The following LEPROT variants were observed in gnomAD, a reference collection of about 807,000 sequenced individuals.
The protein encoded by LEPROT is leptin receptor overlapping transcript, also known as leptin receptor gene-related protein.
LEPROT carries 3 observed loss-of-function variants against 15.4 expected under a neutral mutation model. That is an observed-to-expected ratio of 0.19 (90% CI 0.09 to 0.50). The LOEUF is 0.50. LEPROT is among the 20% of genes least tolerant of loss of function. The pLI, the probability that LEPROT is intolerant of heterozygous loss-of-function variation, is 0.97. For missense variants in LEPROT, 137 were observed against 162.2 expected, an observed-to-expected ratio of 0.84 and a Z score of 0.84; for synonymous variants, 59 against 57.5, an observed-to-expected ratio of 1.03 and a Z score of -0.12.
chr1:65,421,199 G>C, intron 1 of LEPROT: 1 of 927,182 alleles, frequency 1.1e-6, no homozygotes. Context: ...TTTCCAACTG[G>C]GCAGAGTTGA....
intron 1 of LEPROT, 35 bp downstream of exon 1, chr1:65,420,775 T>TG: frequency 6.4e-7 from 1 of 1,569,990 alleles, no homozygotes; most frequent in Non-Finnish European, 8.6e-7. Context: ...TGTCGTGTGG[T>TG]GGGGTTGCCA....
intron 1 of LEPROT, among the ~76,000 whole-genome samples, chr1:65,421,763 C>A (rs1350042045): frequency 6.6e-6 from 1 of 151,838 alleles, no homozygotes; most frequent in African/African-American, 2.4e-5. Context: ...AAGCCAATGC[C>A]GAAAACAGAT....
Position 65,433,831 on chromosome 1 carries a change from A to G in LEPROT, c.*1912A>G, listed in dbSNP as rs1646521395. ...AGTTTAACTTTAAAATTTTTTTGTG[A>G]TGTTGCCTTGCCTGAAAAGATAACA... On this transcript the variant is annotated 3_prime_UTR_variant, in exon 4 of 4. Transcript: ENST00000371065. 1.0e-6 allele frequency: 1 copy of G among 984,642 alleles called. No individual in the cohort carries two copies. Among genetic ancestry groups the G allele is most frequent in the Non-Finnish European group, 1.2e-6 (1 of 829,282 alleles). 61.0% of individuals were successfully genotyped at this position (984,642 alleles called of 1,614,324 possible). A position where few individuals can be genotyped will look rare whatever the true frequency, so the allele number is the denominator to read the frequency against.
At chr1:65,421,218 G>A in intron 1 of LEPROT, 2 of 1,152,542 alleles carry the variant, frequency 1.7e-6, no homozygotes, top group Non-Finnish European at 2.4e-6. Context: ...GACCGCGGGC[G>A]GGTGTCAATG....
At chr1:65,424,234 C>T (rs1312032632) in intron 1 of LEPROT, among the ~76,000 whole-genome samples, 1 of 152,192 alleles carries the variant, frequency 6.6e-6, no homozygotes, top group East Asian at 1.9e-4. Flanking sequence ...TTATTCAGTG[C>T]ACACTAGTTG....
chr1:65,435,328 A>G lies in LEPROT; in HGVS notation c.*3409A>G, dbSNP rs1646543718. The G allele has an allele frequency of 5.1e-6, 5 of 984,188 alleles. No homozygotes were observed. The highest frequency in any genetic ancestry group is 9.4e-5 in the South Asian group (2 of 21,246). 61.0% of individuals were successfully genotyped at this position (984,188 alleles called of 1,614,324 possible). Reference sequence around the variant, plus strand: ...ATAACCTTCTTTATGTTCTCAGGGAAATGCTTAGGTGGTGTCACAAAATGT... The same window carrying G: ...ATAACCTTCTTTATGTTCTCAGGGAGATGCTTAGGTGGTGTCACAAAATGT... On this transcript the variant is annotated 3_prime_UTR_variant, in exon 4 of 4. Coordinates refer to ENST00000371065, the MANE Select transcript of LEPROT (RefSeq NM_017526.5).
In LEPROT at chr1:65,435,607, T is replaced by C. The variant is rs1570443937; in HGVS notation, c.*3688T>C. ...TGGTCTCGATCTCCTGACCTCATGA[T>C]CCGCCCGCCTCTGCCTCCCAAAGTG... is the stretch of plus-strand genomic sequence containing the variant. On this transcript the variant is annotated 3_prime_UTR_variant, in exon 4 of 4. Transcript: ENST00000371065. 1.4e-6 allele frequency: 1 copy of C among 739,894 alleles called. No homozygotes were observed. Among genetic ancestry groups the C allele is most frequent in the Non-Finnish European group, 1.7e-6 (1 of 605,932 alleles). The allele number at this position is 739,894 out of a possible 1,614,324, so 45.8% of individuals were successfully genotyped here.
Position 65,433,967 on chromosome 1 carries a change from G to A in LEPROT, c.*2048G>A. 2.0e-6 allele frequency: 2 copies of A among 985,294 alleles called. No individual in the cohort carries two copies. Among genetic ancestry groups the A allele is most frequent in the Non-Finnish European group, 2.4e-6 (2 of 829,832 alleles). 61.0% of individuals were successfully genotyped at this position (985,294 alleles called of 1,614,324 possible). ...ATACCATCTTGAATGTCTAGTTGGTGTGCAATAGCTTTTCTTTCTAAGATG... is the reference window on the plus strand; with the variant it reads ...ATACCATCTTGAATGTCTAGTTGGTATGCAATAGCTTTTCTTTCTAAGATG... On this transcript the variant is annotated 3_prime_UTR_variant, in exon 4 of 4. Coordinates refer to ENST00000371065, the MANE Select transcript of LEPROT (RefSeq NM_017526.5).
chr1:65,431,808 AT>A lies in LEPROT; in HGVS notation c.286del (p.Trp96GlyfsTer41). ...VILARVAVIK[W>X]GACGLVLAGN... The stretch of plus-strand genomic sequence containing the variant: ...CTTCTTTTCTTGTCTTTCAGATCAA[AT>A]GGGGAGCCTGCGGCCTTGTGTTGGC... On this transcript the variant is annotated frameshift_variant, in exon 4 of 4. Transcript: ENST00000371065. LOFTEE classifies it high-confidence loss of function. The A allele has an allele frequency of 6.2e-7, 1 of 1,612,896 alleles. No individual in the cohort carries two copies.
Position 65,434,041 on chromosome 1 carries a change from T to C in LEPROT, c.*2122T>C. On this transcript the variant is annotated 3_prime_UTR_variant, in exon 4 of 4. Transcript: ENST00000371065. ...CATTTTGCAAAAGTGTTTTTGTTGC[T>C]TATACACATTTTCAATAACCAAGGT... 1 of 985,344 alleles carries C rather than the reference T, an allele frequency of 1.0e-6. No individual in the cohort carries two copies. The highest frequency in any genetic ancestry group is 1.2e-6 in the Non-Finnish European group (1 of 829,840). The allele number at this position is 985,344 out of a possible 1,614,324, so 61.0% of individuals were successfully genotyped here.
At chr1:65,429,824 A>G in intron 2 of LEPROT, 38 bp from the exon 3 acceptor site, 3 of 1,379,964 alleles carry the variant, frequency 2.2e-6, no homozygotes, top group Non-Finnish European at 2.9e-6. Flanking sequence ...TGTAACTGTT[A>G]CTTTTCTTTT....
Position 65,435,422 on chromosome 1 carries a change from C to T in LEPROT, c.*3503C>T. The T allele has an allele frequency of 5.7e-6, 4 of 702,332 alleles. No homozygotes were observed. The highest frequency in any genetic ancestry group is 6.9e-6 in the Non-Finnish European group (4 of 582,702). The allele number at this position is 702,332 out of a possible 1,614,324, so 43.5% of individuals were successfully genotyped here. A position where few individuals can be genotyped will look rare whatever the true frequency, so the allele number is the denominator to read the frequency against. ...TCGCTCTGTTGCCCAGGCTGGAGTGCAGTGGTGCGATCTTGGCTCACTGCA... is the reference window on the plus strand; with the variant it reads ...TCGCTCTGTTGCCCAGGCTGGAGTGTAGTGGTGCGATCTTGGCTCACTGCA... On this transcript the variant is annotated 3_prime_UTR_variant, in exon 4 of 4. Transcript: ENST00000371065.
At position 65,432,455 on chromosome 1, in the gene LEPROT, C is replaced by T. The variant is rs11558301; in HGVS notation, c.*536C>T. 1.6e-6 allele frequency: 1 copy of T among 628,896 alleles called. No homozygotes were observed. The highest frequency in any genetic ancestry group is 2.0e-6 in the Non-Finnish European group (1 of 504,262). 39.0% of individuals were successfully genotyped at this position (628,896 alleles called of 1,614,324 possible). On this transcript the variant is annotated 3_prime_UTR_variant, in exon 4 of 4. Coordinates refer to ENST00000371065, the MANE Select transcript of LEPROT (RefSeq NM_017526.5). ...ATGAGATCCAAAGGAGTTGTATGCACATGAAAGTTTGAGAAGCATCATCAT... is the reference window on the plus strand; with the variant it reads ...ATGAGATCCAAAGGAGTTGTATGCATATGAAAGTTTGAGAAGCATCATCAT...
At chr1:65,423,505 G>A (rs1211825066) in intron 1 of LEPROT, among the ~76,000 whole-genome samples, 1 of 152,180 alleles carries the variant, frequency 6.6e-6, no homozygotes, top group East Asian at 1.9e-4. Flanking sequence ...ACTGCCGATG[G>A]TCAGGCACAG....
rs777957439 is a variant in LEPROT at position 65,429,914 on chromosome 1, C to T, written c.145C>T (p.His49Tyr). ...TTTCCACGCCATCTCCCCCATCCCCCATTTCATTGCCAAAAGAGTCACCTA... is the reference window on the plus strand; with the variant it reads ...TTTCCACGCCATCTCCCCCATCCCCTATTTCATTGCCAAAAGAGTCACCTA... ...LIFHAISPIP[H>Y]FIAKRVTYDS... The change falls in exon 3 of 4, where the codon CAT becomes TAT. Residue 49 changes from histidine (H) to tyrosine (Y), a missense_variant. Coordinates refer to ENST00000371065, the MANE Select transcript of LEPROT (RefSeq NM_017526.5). 1 of 1,547,262 alleles carries T rather than the reference C, an allele frequency of 6.5e-7. No homozygotes were observed. The highest frequency in any genetic ancestry group is 8.8e-7 in the Non-Finnish European group (1 of 1,132,970).
At chr1:65,421,425 C>A in intron 1 of LEPROT, 3 of 1,536,022 alleles carry the variant, frequency 2.0e-6, no homozygotes, top group Non-Finnish European at 2.6e-6. Context: ...CAATGCGAGA[C>A]GGAAAAGGTT....
rs1301356224 is a variant in LEPROT, at chr1:65,432,171, A to G, written c.*252A>G. 2 of 1,139,608 alleles carry G rather than the reference A, an allele frequency of 1.8e-6. No homozygotes were observed. Among genetic ancestry groups the G allele is most frequent in the Non-Finnish European group, 2.2e-6 (2 of 926,466 alleles). 70.6% of individuals were successfully genotyped at this position (1,139,608 alleles called of 1,614,324 possible). A position where few individuals can be genotyped will look rare whatever the true frequency, so the allele number is the denominator to read the frequency against. On this transcript the variant is annotated 3_prime_UTR_variant, in exon 4 of 4. Coordinates refer to ENST00000371065, the MANE Select transcript of LEPROT (RefSeq NM_017526.5). ...CTGTTCATGTAGTCACGGTGCTCTC[A>G]GAAAATATATTAACGCAGTCTTGTA... is the stretch of plus-strand genomic sequence containing the variant.
At position 65,420,696 on chromosome 1, in the gene LEPROT, G is replaced by C; in HGVS notation, c.-29G>C. The C allele has an allele frequency of 6.3e-7, 1 of 1,575,174 alleles. No individual in the cohort carries two copies. The highest frequency in any genetic ancestry group is 8.6e-7 in the Non-Finnish European group (1 of 1,162,648). ...CTGCCCGGGCCGTGGCAGGAAGCCG[G>C]AAGCAGCCGCGGCCCCAGTTCGGGA... On this transcript the variant is annotated 5_prime_UTR_variant, in exon 1 of 4. Coordinates refer to ENST00000371065, the MANE Select transcript of LEPROT (RefSeq NM_017526.5).
In LEPROT at chr1:65,429,951, C is replaced by A; in HGVS notation, c.182C>A (p.Ala61Glu). The change falls in exon 3 of 4, where the codon GCA (alanine) becomes GAA (glutamate). Residue 61 changes from alanine to glutamate, a missense_variant. Ala to Glu is a moderately radical substitution (Grantham distance 107, BLOSUM62 -1). Coordinates refer to ENST00000371065, the MANE Select transcript of LEPROT (RefSeq NM_017526.5). ...IAKRVTYDSD[A>E]TSSACRELAY... ...AAAAGAGTCACCTATGACTCAGATGCAACCAGTAGTGCCTGTCGGGAACTG... is the reference window on the plus strand; with the variant it reads ...AAAAGAGTCACCTATGACTCAGATGAAACCAGTAGTGCCTGTCGGGAACTG... 6.3e-7 allele frequency: 1 copy of A among 1,575,818 alleles called. No individual in the cohort carries two copies. The highest frequency in any genetic ancestry group is 8.7e-7 in the Non-Finnish European group (1 of 1,151,576).
Sources: allele counts gnomAD v4.1 joint callset (sites outside exome capture counted in the v4.1 genomes callset), GRCh38; gene constraint gnomAD v4.1.1; transcripts MANE v1.5; gene names NCBI Gene and HGNC (gene_info 2026-07-23, HGNC 2026-07-21).